Variants in CDKL5 observed in about 807,000 individuals in gnomAD.
CDKL5 encodes the protein cyclin-dependent kinase-like 5.
Under a neutral mutation model 61.7 loss-of-function variants are expected in CDKL5, and 8 were observed. That is an observed-to-expected ratio of 0.13 (90% CI 0.08 to 0.23). The LOEUF (loss-of-function observed/expected upper bound fraction) is 0.23. Among genes scored for constraint, CDKL5 ranks in the 10% least tolerant of loss-of-function variants. The probability of loss-of-function intolerance (pLI) is 1.00; values close to 1 mark genes in which losing one functional copy is unlikely to be tolerated. For missense variants in CDKL5, 440 were observed against 734.5 expected (o/e 0.60, Z 4.63); for synonymous variants, 275 against 272.3 (o/e 1.01, Z -0.10).
At chrX:18,613,544 A>G (rs1816537050) in intron 15 of CDKL5, among the ~76,000 whole-genome samples, 1 of 112,211 alleles carries the variant, frequency 8.9e-6, no homozygotes, top group Non-Finnish European at 1.9e-5. Context: ...GATATGAATG[A>G]TGACTTTTGC....
At chrX:18,448,418 T>C (rs1487768618) in intron 1 of CDKL5, among the ~76,000 whole-genome samples, 1 of 112,071 alleles carries the variant, frequency 8.9e-6, no homozygotes, top group Non-Finnish European at 1.9e-5. Flanking sequence ...CCTCACATCA[T>C]CTCTCTTCTG....
chrX:18,523,192 C>T (rs1022852743), intron 3 of CDKL5, among the ~76,000 whole-genome samples: 1 of 111,356 alleles, frequency 9.0e-6, no homozygotes, highest in Non-Finnish European at 1.9e-5. Context: ...ATTGTATTCA[C>T]GGTGTTACGT....
intron 10 of CDKL5, among the ~76,000 whole-genome samples, 187 bp downstream of exon 10, chrX:18,595,615 C>T (rs1227789060): frequency 8.9e-6 from 1 of 111,809 alleles, no homozygotes. Context: ...CTGGTATTGT[C>T]ACAGTCCATC....
intron 1 of CDKL5, among the ~76,000 whole-genome samples, chrX:18,501,551 AT>A (rs1187799733): frequency 3.7e-5 from 4 of 108,647 alleles, no homozygotes; most frequent in Non-Finnish European, 7.7e-5. Context: ...AAAAATTTTT[AT>A]TTTTTTTTAT....
At chrX:18,518,360 A>T in intron 3 of CDKL5, among the ~76,000 whole-genome samples, 1 of 99,364 alleles carries the variant, frequency 1.0e-5, no homozygotes, top group African/African-American at 3.7e-5. Context: ...ATTAACAAAT[A>T]TAAAGTCATG....
At chrX:18,470,030 C>T (rs1921027028) in intron 1 of CDKL5, among the ~76,000 whole-genome samples, 1 of 111,717 alleles carries the variant, frequency 9.0e-6, no homozygotes, top group Admixed American at 9.6e-5. Flanking sequence ...AAGCAGAGAA[C>T]ATTTCTTACA....
chrX:18,602,873 AT>A (rs989779321), intron 11 of CDKL5, among the ~76,000 whole-genome samples: 9 of 111,902 alleles, frequency 8.0e-5, no homozygotes, highest in African/African-American at 2.9e-4. Flanking sequence ...TTGCAGCAAA[AT>A]TTTTTGAATG....
intron 17 of CDKL5, chrX:18,626,713 TCTCTCTCTCTCCCCC>T (rs1927063251): frequency 2.4e-5 from 1 of 41,541 alleles, no homozygotes; most frequent in African/African-American, 1.2e-4. Flanking sequence ...TCTCTCTCTC[TCTCTCTCTCTCCCCC>T]CTCTCTCCCC....
intron 1 of CDKL5, among the ~76,000 whole-genome samples, chrX:18,462,019 CT>C (rs1174389466): frequency 3.6e-5 from 4 of 110,145 alleles, no homozygotes; most frequent in South Asian, 7.7e-4. Flanking sequence ...CCCAGGATGG[CT>C]TTGAATGTGG....
chrX:18,479,371 G>A (rs1191128887), intron 1 of CDKL5, among the ~76,000 whole-genome samples: 2 of 95,408 alleles, frequency 2.1e-5, no homozygotes, highest in Non-Finnish European at 4.1e-5. Context: ...CCAGGCTGGA[G>A]TGCAGTGGCA....
At chrX:18,433,344 G>A (rs973618028) in intron 1 of CDKL5, among the ~76,000 whole-genome samples, 27 of 112,106 alleles carry the variant, frequency 2.4e-4, no homozygotes, top group Non-Finnish European at 4.5e-4. Context: ...CCTGAGGTCG[G>A]GAGTTCGAGA....
intron 3 of CDKL5, among the ~76,000 whole-genome samples, chrX:18,511,421 C>T (rs1412683464): frequency 9.1e-6 from 1 of 110,085 alleles, no homozygotes; most frequent in Non-Finnish European, 1.9e-5. Context: ...CCGTGCACCT[C>T]ATAATGACAT....
chrX:18,536,435 T>C (rs970029522), intron 3 of CDKL5, among the ~76,000 whole-genome samples: 2 of 15,978 alleles, frequency 1.3e-4, no homozygotes, highest in Non-Finnish European at 2.7e-4. Flanking sequence ...AATACAGGTT[T>C]TTTTTTTTTT....
At chrX:18,536,979 C>CCAAAAAT (rs2147113245) in intron 3 of CDKL5, among the ~76,000 whole-genome samples, 1 of 106,553 alleles carries the variant, frequency 9.4e-6, no homozygotes, top group East Asian at 2.9e-4. Context: ...TTCAAATGTG[C>CCAAAAAT]CAAAAATGTA....
intron 1 of CDKL5, among the ~76,000 whole-genome samples, chrX:18,496,921 C>G (rs754988694): frequency 9.1e-6 from 1 of 110,289 alleles, no homozygotes; most frequent in Non-Finnish European, 1.9e-5. Flanking sequence ...GCTGGGAATT[C>G]AGTTTTTCAG....
At chrX:18,534,369 C>T (rs1229776752) in intron 3 of CDKL5, among the ~76,000 whole-genome samples, 2 of 111,570 alleles carry the variant, frequency 1.8e-5, no homozygotes, top group African/African-American at 3.3e-5. Context: ...ATATATTTTT[C>T]CTCATATTTC....
chrX:18,619,143 C>G (rs1389142259), intron 15 of CDKL5, among the ~76,000 whole-genome samples: 2 of 105,725 alleles, frequency 1.9e-5, no homozygotes, highest in African/African-American at 6.9e-5. Context: ...GCTTTTCCCC[C>G]CGCCCCGTGA....
intron 1 of CDKL5, among the ~76,000 whole-genome samples, chrX:18,482,321 C>T (rs909262042): frequency 4.5e-5 from 5 of 111,916 alleles, no homozygotes; most frequent in African/African-American, 1.6e-4. Flanking sequence ...ATATATTTCA[C>T]GTATTCTAAA....
intron 3 of CDKL5, among the ~76,000 whole-genome samples, chrX:18,554,837 A>G (rs923842144): frequency 6.3e-5 from 7 of 111,774 alleles, no homozygotes; most frequent in African/African-American, 9.7e-5. Flanking sequence ...TTTTTGGAGA[A>G]TGGATCTTTT....
Sources: gnomAD v4.1 joint callset for allele counts (sites outside exome capture counted in the v4.1 genomes callset) on GRCh38, gnomAD v4.1.1 for gene constraint, MANE v1.5 for transcripts, NCBI Gene and HGNC (gene_info 2026-07-23, HGNC 2026-07-21) for gene names.